Variants in ARPP21 observed in about 807,000 individuals in gnomAD.
ARPP21 encodes cAMP regulated phosphoprotein 21.
Under a neutral mutation model 113.2 loss-of-function variants are expected in ARPP21, and 69 were observed. The ratio of observed to expected loss-of-function variants is 0.61; its 90% CI spans 0.50 to 0.74. The LOEUF (loss-of-function observed/expected upper bound fraction) is 0.74. Ranked by LOEUF, ARPP21 falls within the 30% of genes least tolerant of loss-of-function variation. The probability of loss-of-function intolerance (pLI) is 0.00; values close to 1 mark genes in which losing one functional copy is unlikely to be tolerated. For synonymous variants in ARPP21, 368 were observed against 375.5 expected (o/e 0.98, Z 0.23); for missense variants, 1,070 against 1,037.4 (o/e 1.03, Z -0.43).
intron 13 of ARPP21, among the ~76,000 whole-genome samples, chr3:35,719,047 G>C (rs1039914910): frequency 6.6e-6 from 1 of 151,770 alleles, no homozygotes; most frequent in African/African-American, 2.4e-5. Flanking sequence ...AAGAGGGCAA[G>C]CTCCAATGAC....
chr3:35,675,360 T>C (rs988129745), intron 1 of ARPP21, among the ~76,000 whole-genome samples: 3 of 151,812 alleles, frequency 2.0e-5, no homozygotes, highest in African/African-American at 7.2e-5. Flanking sequence ...TGCTGTCGGA[T>C]TCTTGGCTTA....
intron 14 of ARPP21, among the ~76,000 whole-genome samples, chr3:35,722,767 C>T (rs920835826): frequency 2.6e-5 from 4 of 152,168 alleles, no homozygotes; most frequent in African/African-American, 9.7e-5. Context: ...GCATACACCA[C>T]GATGCTCACA....
rs140987024 is a variant in ARPP21, at chr3:35,743,923, G to C, written c.2095G>C (p.Ala699Pro). ...GCCCATGGCCCCGGTTCAGTACAAC[G>C]CTCAGAGGAGTCAACAGATGCCACA... The part of the protein sequence containing the change: ...YRPMAPVQYN[A>P]QRSQQMPQAA... Residue 699 changes from alanine to proline, a missense_variant, in exon 19 of 21, where the codon GCT becomes CCT. Ala to Pro is a conservative substitution (Grantham distance 27). Transcript: ENST00000684406. The C allele has an allele frequency of 1.9e-6, 3 of 1,614,076 alleles. No homozygotes were observed. The highest frequency in any genetic ancestry group is 2.5e-6 in the Non-Finnish European group (3 of 1,179,960).
chr3:35,654,974 A>G (rs1704121336), intron 1 of ARPP21, among the ~76,000 whole-genome samples: 1 of 151,954 alleles, frequency 6.6e-6, no homozygotes, highest in Non-Finnish European at 1.5e-5. Flanking sequence ...TTGTTTTCCC[A>G]TTTACCTAAC....
intron 19 of ARPP21, among the ~76,000 whole-genome samples, chr3:35,762,157 C>T (rs2095807470): frequency 6.7e-6 from 1 of 150,312 alleles, no homozygotes; most frequent in Non-Finnish European, 1.5e-5. Flanking sequence ...CACACACACG[C>T]TTTTGGAATA....
intron 1 of ARPP21, among the ~76,000 whole-genome samples, chr3:35,665,177 CA>C (rs2074019338): frequency 6.6e-6 from 1 of 152,112 alleles, no homozygotes; most frequent in African/African-American, 2.4e-5. Flanking sequence ...TACATATGCA[CA>C]AAAGCAACTT....
chr3:35,668,020 GA>G lies in ARPP21; in HGVS notation c.-212-11765del, dbSNP rs1559550429. Among the ~76,000 whole-genome samples the G allele has an allele frequency of 2.2e-3, 335 of 149,224 alleles. 5 individuals are homozygous for G. The highest frequency in any genetic ancestry group is 3.4e-3 in the Non-Finnish European group (228 of 67,314). On this transcript the variant is annotated intron_variant, in intron 1 of 20. Transcript: ENST00000684406. The stretch of plus-strand genomic sequence containing the variant: ...AGAAGAAGAAGAAGAAGAAGAAGAA[GA>G]AGAAGAAGAAGGAGAAGAAGAAGAA...
At chr3:35,686,349 A>G (rs939456198) in intron 5 of ARPP21, among the ~76,000 whole-genome samples, 2 of 151,770 alleles carry the variant, frequency 1.3e-5, no homozygotes, top group Non-Finnish European at 3.0e-5. Context: ...GGTTTTACAA[A>G]GTTTATATAT....
chr3:35,748,105 A>C (rs2095224860), intron 19 of ARPP21, among the ~76,000 whole-genome samples: 1 of 136,768 alleles, frequency 7.3e-6, no homozygotes, highest in East Asian at 2.0e-4. Flanking sequence ...AAAGAAAGAA[A>C]GAAAGAAGAA....
intron 19 of ARPP21, among the ~76,000 whole-genome samples, chr3:35,787,153 TC>T (rs1331273556): frequency 1.3e-5 from 2 of 152,184 alleles, no homozygotes; most frequent in African/African-American, 4.8e-5. Flanking sequence ...CTCCAGGCCT[TC>T]ATCTGATGTC....
chr3:35,734,820 T>C (rs916773185), intron 15 of ARPP21, among the ~76,000 whole-genome samples: 1 of 152,188 alleles, frequency 6.6e-6, no homozygotes, highest in Non-Finnish European at 1.5e-5. Context: ...ATACAATATA[T>C]AGGCGAAGTG....
At chr3:35,711,351 A>G (rs1418155727) in intron 11 of ARPP21, among the ~76,000 whole-genome samples, 2 of 152,160 alleles carry the variant, frequency 1.3e-5, no homozygotes, top group Non-Finnish European at 2.9e-5. Context: ...TCCCTATTGT[A>G]TATCATATTC....
chr3:35,688,020 G>A, intron 6 of ARPP21, 137 bp downstream of exon 6: 1 of 745,358 alleles, frequency 1.3e-6, no homozygotes, highest in Non-Finnish European at 2.1e-6. Context: ...ATCTGTGTGT[G>A]TGTAAAAAAT....
intron 19 of ARPP21, among the ~76,000 whole-genome samples, chr3:35,787,399 C>A (rs1015611857): frequency 1.3e-5 from 2 of 152,108 alleles, no homozygotes; most frequent in Non-Finnish European, 2.9e-5. Context: ...TAAATATAGT[C>A]TCTTCAAAGA....
intron 19 of ARPP21, among the ~76,000 whole-genome samples, chr3:35,759,885 A>G (rs1489845267): frequency 1.3e-5 from 2 of 152,058 alleles, no homozygotes; most frequent in Non-Finnish European, 2.9e-5. Context: ...CCAATGTGCT[A>G]TGCCAAAGTG....
chr3:35,729,886 G>A (rs2093824470), intron 15 of ARPP21, among the ~76,000 whole-genome samples: 1 of 152,168 alleles, frequency 6.6e-6, no homozygotes, highest in African/African-American at 2.4e-5. Flanking sequence ...AAAACTTTGT[G>A]TTTGTCAATC....
chr3:35,740,165 A>G (rs1042681037), intron 18 of ARPP21, among the ~76,000 whole-genome samples: 9 of 152,214 alleles, frequency 5.9e-5, no homozygotes, highest in South Asian at 2.1e-4. Flanking sequence ...TTGAGCATGT[A>G]AGACACCACA....
intron 19 of ARPP21, among the ~76,000 whole-genome samples, chr3:35,757,434 G>A (rs532727383): frequency 1.3e-5 from 2 of 152,024 alleles, no homozygotes; most frequent in African/African-American, 4.8e-5. Context: ...TGCTAGAAAA[G>A]GCTCAGCTTT....
At chr3:35,640,524 G>C (rs544899388) in intron 1 of ARPP21, 126 bp downstream of exon 1, 1 of 151,940 alleles carries the variant, frequency 6.6e-6, no homozygotes, top group South Asian at 2.1e-4. Flanking sequence ...TTTCTTCTTC[G>C]TGTTTGTAGA....
Sources: gnomAD v4.1 joint callset for allele counts (sites outside exome capture counted in the v4.1 genomes callset) on GRCh38, gnomAD v4.1.1 for gene constraint, MANE v1.5 for transcripts, NCBI Gene and HGNC (gene_info 2026-07-23, HGNC 2026-07-21) for gene names.